The following TMEM87A variants were observed in gnomAD, a reference collection of about 807,000 sequenced individuals.
TMEM87A encodes the protein transmembrane protein 87A, also known as Golgi-pH regulating cation channel.
TMEM87A carries 50 observed loss-of-function variants against 90.0 expected under a neutral mutation model. The ratio of observed to expected loss-of-function variants is 0.56; its 90% CI spans 0.44 to 0.70. TMEM87A has a LOEUF of 0.70. TMEM87A is among the 30% of genes least tolerant of loss of function. The pLI is 0.00. For synonymous variants in TMEM87A, 226 were observed against 226.7 expected (o/e 1.00, Z 0.03); for missense variants, 577 against 660.5 (o/e 0.87, Z 1.39).
intron 13 of TMEM87A, among the ~76,000 whole-genome samples, chr15:42,227,985 A>G (rs1029861960): frequency 1.3e-5 from 2 of 152,216 alleles, no homozygotes; most frequent in Non-Finnish European, 2.9e-5. Flanking sequence ...TCCTTTCTCT[A>G]TTTAAAGAAT....
intron 15 of TMEM87A, among the ~76,000 whole-genome samples, chr15:42,223,020 C>T (rs747987816): frequency 7.9e-5 from 12 of 152,136 alleles, no homozygotes; most frequent in African/African-American, 1.7e-4. Context: ...GCATAAAAAT[C>T]ATAAGATTAT....
chr15:42,219,705 C>T (rs906517948), intron 16 of TMEM87A, 63 bp from the exon 17 acceptor site: 10 of 1,128,496 alleles, frequency 8.9e-6, no homozygotes, highest in African/African-American at 4.8e-5. Flanking sequence ...GTTGGCAAAA[C>T]GGATTCAGAA....
intron 1 of TMEM87A, 26 bp downstream of exon 1, chr15:42,273,229 C>G (rs763472215): frequency 1.2e-6 from 2 of 1,613,542 alleles, no homozygotes; most frequent in Non-Finnish European, 1.7e-6. Context: ...CCTCTAGGTT[C>G]AGACGTTAGT....
intron 6 of TMEM87A, among the ~76,000 whole-genome samples, chr15:42,247,029 T>C (rs966355649): frequency 1.7e-4 from 24 of 143,956 alleles, no homozygotes; most frequent in Non-Finnish European, 2.9e-4. Flanking sequence ...TTGATTTGCA[T>C]TTCTCTGATG....
chr15:42,250,879 C>G (rs370295890), intron 6 of TMEM87A, among the ~76,000 whole-genome samples: 2 of 152,178 alleles, frequency 1.3e-5, no homozygotes, highest in South Asian at 2.1e-4. Flanking sequence ...GTATACCAAT[C>G]AGATGTAGAT....
intron 6 of TMEM87A, among the ~76,000 whole-genome samples, chr15:42,248,167 T>C (rs1387505635): frequency 6.6e-6 from 1 of 152,228 alleles, no homozygotes; most frequent in Non-Finnish European, 1.5e-5. Context: ...GCTTATCAGC[T>C]TAAGGAGATT....
At chr15:42,256,185 G>C (rs2051180907) in intron 6 of TMEM87A, among the ~76,000 whole-genome samples, 1 of 152,122 alleles carries the variant, frequency 6.6e-6, no homozygotes, top group African/African-American at 2.4e-5. Context: ...TTGTCACCCA[G>C]GCTGGAGTGC....
intron 19 of TMEM87A, among the ~76,000 whole-genome samples, chr15:42,212,990 T>C (rs371335900): frequency 1.3e-5 from 2 of 152,246 alleles, no homozygotes; most frequent in African/African-American, 4.8e-5. Flanking sequence ...CATGGAAAAA[T>C]TCCCTTTGTG....
intron 16 of TMEM87A, 133 bp from the exon 17 acceptor site, chr15:42,219,775 T>G (rs1387528070): frequency 1.5e-6 from 1 of 686,234 alleles, no homozygotes; most frequent in Non-Finnish European, 2.4e-6. Flanking sequence ...ATTTTAAGCT[T>G]CCTAATACTT....
chr15:42,245,568 A>T (rs1393605336), intron 6 of TMEM87A, among the ~76,000 whole-genome samples: 1 of 128,746 alleles, frequency 7.8e-6, no homozygotes, highest in Non-Finnish European at 1.5e-5. Context: ...TCCATCGCCC[A>T]GGCAGGAGTA....
intron 3 of TMEM87A, among the ~76,000 whole-genome samples, chr15:42,266,247 G>A (rs1019831257): frequency 6.6e-6 from 1 of 152,240 alleles, no homozygotes; most frequent in Non-Finnish European, 1.5e-5. Context: ...TGGGCACAAT[G>A]GCTCACGCCT....
At chr15:42,255,722 C>T (rs1340538452) in intron 6 of TMEM87A, among the ~76,000 whole-genome samples, 2 of 151,536 alleles carry the variant, frequency 1.3e-5, no homozygotes, top group Non-Finnish European at 2.9e-5. Context: ...TCAATATTTC[C>T]TTAGAAGAAG....
At chr15:42,233,011 A>G in intron 11 of TMEM87A, 1 of 334,502 alleles carries the variant, frequency 3.0e-6, no homozygotes, top group Non-Finnish European at 5.4e-6. Context: ...GTGGAAAAGC[A>G]TTCATTCGGG....
intron 2 of TMEM87A, among the ~76,000 whole-genome samples, chr15:42,271,165 T>A (rs78717476): frequency 0.011 from 1,639 of 152,344 alleles, 31 homozygotes; most frequent in African/African-American, 0.038. Context: ...TACTTTAGAT[T>A]CAGATACAGT....
At chr15:42,244,288 C>A in intron 6 of TMEM87A, 121 bp from the exon 7 acceptor site, 1 of 633,412 alleles carries the variant, frequency 1.6e-6, no homozygotes, top group East Asian at 3.2e-5. Flanking sequence ...CCTTCTCTTT[C>A]ATTCATTGAA....
intron 2 of TMEM87A, among the ~76,000 whole-genome samples, chr15:42,271,014 A>C (rs2051512892): frequency 6.6e-6 from 1 of 152,234 alleles, no homozygotes; most frequent in African/African-American, 2.4e-5. Context: ...ACTTCCGTGA[A>C]GACAGTATGC....
intron 10 of TMEM87A, 147 bp downstream of exon 10, chr15:42,236,172 CA>C: frequency 1.4e-6 from 1 of 693,334 alleles, no homozygotes. Flanking sequence ...CCAACATTTA[CA>C]ATGCTACAAA....
At chr15:42,257,667 T>A (rs112757742) in intron 6 of TMEM87A, among the ~76,000 whole-genome samples, 1 of 152,146 alleles carries the variant, frequency 6.6e-6, no homozygotes, top group Non-Finnish European at 1.5e-5. Context: ...AGCCTAAAGA[T>A]TATAAATGTA....
intron 10 of TMEM87A, among the ~76,000 whole-genome samples, chr15:42,235,919 A>G (rs1289997108): frequency 6.6e-6 from 1 of 152,228 alleles, no homozygotes; most frequent in Non-Finnish European, 1.5e-5. Flanking sequence ...ATGCCTATAG[A>G]AGACACTCCT....
Sources: gnomAD v4.1 joint callset for allele counts (sites outside exome capture counted in the v4.1 genomes callset) on GRCh38, gnomAD v4.1.1 for gene constraint, MANE v1.5 for transcripts, NCBI Gene and HGNC (gene_info 2026-07-23, HGNC 2026-07-21) for gene names.